MCCC2: variants seen among roughly 807,000 people sequenced by gnomAD.
MCCC2 encodes the protein methylcrotonyl-CoA carboxylase subunit 2, also known as methylcrotonoyl-CoA carboxylase beta chain, mitochondrial.
A neutral mutation model predicts 77.2 loss-of-function variants in MCCC2; 52 were observed. The observed-to-expected ratio is 0.67, with a 90% CI of 0.54 to 0.85. The LOEUF (loss-of-function observed/expected upper bound fraction) is 0.85, where lower values mean the gene tolerates loss of function less well. Ranked by LOEUF, MCCC2 falls within the 40% of genes least tolerant of loss-of-function variation. The pLI is 0.00. For missense variants in MCCC2, 682 were observed against 703.2 expected (o/e 0.97, Z 0.34); for synonymous variants, 253 against 248.4 (o/e 1.02, Z -0.18).
chr5:71,647,874 A>G (rs1561847525), intron 13 of MCCC2, among the ~76,000 whole-genome samples: 1 of 152,146 alleles, frequency 6.6e-6, no homozygotes, highest in Non-Finnish European at 1.5e-5. Flanking sequence ...AGGATTTGAG[A>G]AAGCGAAGTG....
chr5:71,645,455 A>G (rs755888669), intron 12 of MCCC2, among the ~76,000 whole-genome samples: 2 of 152,214 alleles, frequency 1.3e-5, no homozygotes, highest in East Asian at 3.8e-4. Flanking sequence ...CCTAAACTCA[A>G]GGTTAGAAGA....
At chr5:71,614,546 C>T (rs1347297611) in intron 6 of MCCC2, among the ~76,000 whole-genome samples, 1 of 149,190 alleles carries the variant, frequency 6.7e-6, no homozygotes, top group Non-Finnish European at 1.5e-5. Flanking sequence ...CAGTGGCGTG[C>T]AATATTGGCT....
intron 1 of MCCC2, among the ~76,000 whole-genome samples, chr5:71,590,732 G>A (rs1287313960): frequency 3.3e-5 from 5 of 151,858 alleles, no homozygotes; most frequent in East Asian, 3.9e-4. Flanking sequence ...CAGGAGAGTC[G>A]CTTGAACCCG....
At chr5:71,616,079 A>G (rs1411062115) in intron 6 of MCCC2, among the ~76,000 whole-genome samples, 1 of 152,200 alleles carries the variant, frequency 6.6e-6, no homozygotes, top group African/African-American at 2.4e-5. Flanking sequence ...TGTGCTGGCA[A>G]ACTCATCCAA....
chr5:71,655,784 A>G (rs1010950446), intron 16 of MCCC2, among the ~76,000 whole-genome samples: 1 of 152,256 alleles, frequency 6.6e-6, no homozygotes, highest in African/African-American at 2.4e-5. Context: ...TTCGTTATAC[A>G]TTTGAGGTTG....
chr5:71,639,592 G>A (rs1287119548), intron 10 of MCCC2, among the ~76,000 whole-genome samples: 1 of 152,128 alleles, frequency 6.6e-6, no homozygotes, highest in Admixed American at 6.5e-5. Flanking sequence ...GGCTGTTTTT[G>A]CTTTCTCGAC....
At position 71,650,122 on chromosome 5, in the gene MCCC2, A is replaced by G. The variant is rs1747395001; in HGVS notation, c.1427A>G (p.Glu476Gly). 5.6e-6 allele frequency: 9 copies of G among 1,614,130 alleles called. No individual in the cohort carries two copies. In the East Asian group the frequency reaches 2.0e-4, roughly 36 times the overall value. The change falls in exon 15 of 17, where the codon GAG (glutamate) becomes GGG (glycine). Residue 476 changes from glutamate to glycine, a missense_variant. Transcript: ENST00000340941. ...GCTCGTATCTCAGTGATGGGAGGAG[A>G]GCAGGCAGCCAATGTGTTGGCCACG... Reference protein sequence around the residue: ...PNARISVMGGEQAANVLATIT... With the variant: ...PNARISVMGGGQAANVLATIT...
intron 16 of MCCC2, among the ~76,000 whole-genome samples, chr5:71,656,384 A>G (rs1392369524): frequency 6.6e-6 from 1 of 152,202 alleles, no homozygotes; most frequent in Non-Finnish European, 1.5e-5. Flanking sequence ...GACAGAATAC[A>G]CCAACTTGGC....
At chr5:71,644,032 C>CTTGTGTGTGTGTGTGT in intron 12 of MCCC2, 137 bp downstream of exon 12, 1 of 538,732 alleles carries the variant, frequency 1.9e-6, no homozygotes, top group East Asian at 5.4e-5. Context: ...TGTGCGCGGG[C>CTTGTGTGTGTGTGTGT]ATGTGTGTGT....
intron 4 of MCCC2, among the ~76,000 whole-genome samples, chr5:71,601,483 A>C (rs1279773859): frequency 1.3e-5 from 2 of 152,204 alleles, no homozygotes; most frequent in Non-Finnish European, 2.9e-5. Flanking sequence ...CTACTCTATA[A>C]AATGTTCATT....
chr5:71,627,769 G>T (rs1746581648), intron 7 of MCCC2, among the ~76,000 whole-genome samples: 1 of 151,550 alleles, frequency 6.6e-6, no homozygotes, highest in African/African-American at 2.4e-5. Flanking sequence ...GGGGTGTGAG[G>T]TAGTACCTCA....
intron 6 of MCCC2, among the ~76,000 whole-genome samples, chr5:71,625,962 G>C (rs1315413885): frequency 6.6e-6 from 1 of 152,038 alleles, no homozygotes; most frequent in African/African-American, 2.4e-5. Flanking sequence ...TCCTATTTAG[G>C]AGTCATCAGC....
At chr5:71,598,926 AT>A (rs36035922) in intron 3 of MCCC2, among the ~76,000 whole-genome samples, 63 of 147,074 alleles carry the variant, frequency 4.3e-4, no homozygotes, top group South Asian at 1.7e-3. Flanking sequence ...TGTGTTGAAA[AT>A]TTTTTTTTTT....
chr5:71,593,089 A>ATTT (rs72536613), intron 2 of MCCC2, 97 bp downstream of exon 2: 31 of 799,368 alleles, frequency 3.9e-5, no homozygotes, highest in South Asian at 1.2e-4. Context: ...AGCTTTTGAT[A>ATTT]TTTTTTTTTT....
At chr5:71,643,674 T>G (rs1747192590) in intron 11 of MCCC2, 145 bp from the exon 12 acceptor site, 1 of 1,507,278 alleles carries the variant, frequency 6.6e-7, no homozygotes. Flanking sequence ...GATTGTGACA[T>G]GAGCTGTTTT....
chr5:71,637,076 A>C (rs1236717908), intron 10 of MCCC2, among the ~76,000 whole-genome samples: 2 of 152,208 alleles, frequency 1.3e-5, no homozygotes, highest in East Asian at 3.8e-4. Context: ...AAATGTATTA[A>C]AGTTATAGCT....
At chr5:71,650,238 C>G (rs1453882635) in intron 15 of MCCC2, 55 bp downstream of exon 15, 5 of 1,501,284 alleles carry the variant, frequency 3.3e-6, no homozygotes, top group Non-Finnish European at 3.7e-6. Context: ...CATAAACACC[C>G]TGGAGCCAAG....
intron 10 of MCCC2, chr5:71,635,937 A>T (rs1396636183): frequency 6.3e-6 from 1 of 159,542 alleles, no homozygotes; most frequent in East Asian, 1.8e-4. Flanking sequence ...AAAAGAAAAA[A>T]ATTAAATTGC....
At chr5:71,612,128 G>C (rs1360682561) in intron 6 of MCCC2, among the ~76,000 whole-genome samples, 2 of 152,048 alleles carry the variant, frequency 1.3e-5, no homozygotes, top group Non-Finnish European at 2.9e-5. Context: ...TTAAAAAAAT[G>C]ATCTGAAGTA....
Sources: allele counts gnomAD v4.1 joint callset (sites outside exome capture counted in the v4.1 genomes callset), GRCh38; gene constraint gnomAD v4.1.1; transcripts MANE v1.5; gene names NCBI Gene and HGNC (gene_info 2026-07-23, HGNC 2026-07-21).